The following STRN3 variants were observed in gnomAD, a reference collection of about 807,000 sequenced individuals.
STRN3 encodes striatin 3.
A neutral mutation model predicts 95.6 loss-of-function variants in STRN3; 29 were observed. The observed-to-expected ratio is 0.30, with a 90% CI of 0.23 to 0.41. STRN3 has a LOEUF of 0.41. Ranked by LOEUF, STRN3 falls within the 10% of genes least tolerant of loss-of-function variation. The pLI is 1.00. For synonymous variants in STRN3, 331 were observed against 357.6 expected, an observed-to-expected ratio of 0.93 and a Z score of 0.84; for missense variants, 890 against 972.1, an observed-to-expected ratio of 0.92 and a Z score of 1.12.
intron 16 of STRN3, among the ~76,000 whole-genome samples, chr14:30,895,978 A>G (rs1566421967): frequency 6.6e-6 from 1 of 152,144 alleles, no homozygotes; most frequent in Non-Finnish European, 1.5e-5. Flanking sequence ...AGTTCCGAAC[A>G]TTTTCATCAC....
intron 4 of STRN3, among the ~76,000 whole-genome samples, chr14:30,948,001 T>TAAAGAG (rs1879449618): frequency 6.6e-6 from 1 of 151,924 alleles, no homozygotes; most frequent in Non-Finnish European, 1.5e-5. Context: ...AGGTGAATGC[T>TAAAGAG]AAAGAGAAAA....
At chr14:30,952,489 C>T (rs546678368) in intron 3 of STRN3, among the ~76,000 whole-genome samples, 1 of 152,154 alleles carries the variant, frequency 6.6e-6, no homozygotes, top group South Asian at 2.1e-4. Context: ...CGCTTGAGCC[C>T]ACGGGTTCAA....
At chr14:31,021,705 T>C (rs1257071385) in intron 1 of STRN3, among the ~76,000 whole-genome samples, 3 of 152,172 alleles carry the variant, frequency 2.0e-5, no homozygotes, top group African/African-American at 4.8e-5. Flanking sequence ...TTTGAAGGAT[T>C]TGTTAACAAC....
chr14:31,013,905 ATTATTAT>A (rs1883110953), intron 1 of STRN3, among the ~76,000 whole-genome samples: 1 of 116,710 alleles, frequency 8.6e-6, no homozygotes. Context: ...TATTATTATT[ATTATTAT>A]TATTATTTGA....
intron 1 of STRN3, among the ~76,000 whole-genome samples, chr14:31,003,265 A>C (rs898195275): frequency 6.6e-6 from 1 of 151,564 alleles, no homozygotes; most frequent in African/African-American, 2.4e-5. Flanking sequence ...TGTCTCCAAA[A>C]AAAAAAAAAA....
rs770385441 is a variant in STRN3 at position 30,902,516 on chromosome 14, AAAG to A, written c.2137+17_2137+19del. The A allele has an allele frequency of 4.7e-6, 7 of 1,490,834 alleles. No homozygotes were observed. The highest frequency in any genetic ancestry group is 1.4e-5 in the African/African-American group (1 of 71,444). 92.4% of individuals were successfully genotyped at this position (1,490,834 alleles called of 1,614,324 possible). A position where few individuals can be genotyped will look rare whatever the true frequency, so the allele number is the denominator to read the frequency against. On this transcript the variant is annotated intron_variant, in intron 16 of 17. Transcript: ENST00000357479. ...CAAATTTACAGTATTACTAATATGAAAAGAAGACAATTTGCTTACCCGTTTTAT... is the reference window on the plus strand; with the variant it reads ...CAAATTTACAGTATTACTAATATGAAAAGACAATTTGCTTACCCGTTTTAT...
chr14:31,025,380 G>A (rs1480498580), intron 1 of STRN3: 1 of 168,184 alleles, frequency 5.9e-6, no homozygotes, highest in Non-Finnish European at 1.3e-5. Flanking sequence ...AGCAGCCCAG[G>A]AAAGAAGCGT....
chr14:30,992,237 C>T (rs1038823974), intron 1 of STRN3, among the ~76,000 whole-genome samples: 19 of 151,680 alleles, frequency 1.3e-4, no homozygotes, highest in Middle Eastern at 3.2e-3. Context: ...ATGGCAAAAC[C>T]CCATCTCTAC....
At chr14:31,018,737 GC>G in intron 1 of STRN3, 1 of 468,242 alleles carries the variant, frequency 2.1e-6, no homozygotes, top group South Asian at 1.6e-5. Context: ...GAAGATGAGG[GC>G]CATGGTGCTC....
At chr14:30,907,179 C>T in intron 13 of STRN3, 135 bp from the exon 14 acceptor site, 2 of 929,454 alleles carry the variant, frequency 2.2e-6, no homozygotes, top group East Asian at 5.3e-5. Flanking sequence ...CTAAAGTGTA[C>T]ATAGTGGCTA....
intron 1 of STRN3, among the ~76,000 whole-genome samples, chr14:30,962,207 T>C (rs572510218): frequency 6.2e-4 from 94 of 152,274 alleles, no homozygotes; most frequent in African/African-American, 2.1e-3. Flanking sequence ...TTTTAAAAAC[T>C]AGAAGAAAGC....
intron 16 of STRN3, among the ~76,000 whole-genome samples, chr14:30,901,127 T>C (rs1896302440): frequency 6.6e-6 from 1 of 151,966 alleles, no homozygotes; most frequent in Non-Finnish European, 1.5e-5. Flanking sequence ...GTTCAAAGGA[T>C]TGATTTGATG....
At chr14:30,975,354 A>G (rs8018162) in intron 1 of STRN3, among the ~76,000 whole-genome samples, 95,388 of 150,660 alleles carry the variant, frequency 0.63, 31,225 homozygotes, top group Non-Finnish European at 0.72. Context: ...CAAGCTATGG[A>G]GATGCAAAGA....
intron 5 of STRN3, among the ~76,000 whole-genome samples, chr14:30,943,159 CAT>C (rs1230239262): frequency 6.6e-6 from 1 of 152,194 alleles, no homozygotes; most frequent in Non-Finnish European, 1.5e-5. Flanking sequence ...TCTTGATCCA[CAT>C]GTTATATCAT....
chr14:30,956,027 T>C, intron 2 of STRN3, 112 bp downstream of exon 2: 1 of 787,782 alleles, frequency 1.3e-6, no homozygotes, highest in Admixed American at 2.9e-5. Flanking sequence ...CATCATGTAT[T>C]CGGGCAAGGA....
At chr14:30,929,967 A>AAAAAAAACAAAAAAAC (rs1878430121) in intron 7 of STRN3, among the ~76,000 whole-genome samples, 7 of 91,122 alleles carry the variant, frequency 7.7e-5, no homozygotes, top group South Asian at 3.2e-4. Context: ...AAAAAAAAAA[A>AAAAAAAACAAAAAAAC]AAAAAAAAAA....
At chr14:30,904,875 G>T (rs781438019) in intron 15 of STRN3, among the ~76,000 whole-genome samples, 6 of 150,248 alleles carry the variant, frequency 4.0e-5, no homozygotes, top group Non-Finnish European at 8.9e-5. Flanking sequence ...TAGAAATAGA[G>T]AAGCACATTA....
intron 1 of STRN3, among the ~76,000 whole-genome samples, chr14:30,977,945 A>G (rs1881195262): frequency 6.6e-6 from 1 of 152,200 alleles, no homozygotes; most frequent in Admixed American, 6.5e-5. Flanking sequence ...GACACAATCT[A>G]CAAAAACTTA....
At chr14:30,895,974 G>A (rs751428077) in intron 16 of STRN3, among the ~76,000 whole-genome samples, 1 of 152,050 alleles carries the variant, frequency 6.6e-6, no homozygotes, top group Non-Finnish European at 1.5e-5. Context: ...CTAGAGTTCC[G>A]AACATTTTCA....
Sources: allele counts gnomAD v4.1 joint callset (sites outside exome capture counted in the v4.1 genomes callset), GRCh38; gene constraint gnomAD v4.1.1; transcripts MANE v1.5; gene names NCBI Gene and HGNC (gene_info 2026-07-23, HGNC 2026-07-21).